FMN1: variants seen among roughly 807,000 people sequenced by gnomAD.
FMN1 encodes the protein formin 1.
In FMN1, 110 loss-of-function variants were observed where a neutral mutation model predicts 132.4. The observed-to-expected ratio is 0.83, with a 90% confidence interval of 0.71 to 0.97. FMN1 has a LOEUF of 0.97. Among genes scored for constraint, FMN1 ranks in the 50% least tolerant of loss-of-function variants. The pLI is 0.00. For synonymous variants in FMN1, 722 were observed against 651.7 expected, an observed-to-expected ratio of 1.11 and a Z score of -1.64; for missense variants, 1,792 against 1,705.3, an observed-to-expected ratio of 1.05 and a Z score of -0.90.
At chr15:32,903,254 T>A in intron 12 of FMN1, among the ~76,000 whole-genome samples, 1 of 152,250 alleles carries the variant, frequency 6.6e-6, no homozygotes, top group Non-Finnish European at 1.5e-5. Context: ...TAACCCATTA[T>A]TATGAAAATT....
chr15:33,001,141 G>C (rs1011816985), intron 7 of FMN1, among the ~76,000 whole-genome samples: 3 of 152,174 alleles, frequency 2.0e-5, no homozygotes, highest in African/African-American at 7.2e-5. Flanking sequence ...AAATTAGCTG[G>C]ATGTGGTAGC....
chr15:32,766,692 G>T lies in FMN1; in HGVS notation c.*7618C>A, dbSNP rs1230718935. 1 of 152,150 alleles carries T rather than the reference G, an allele frequency of 6.6e-6. No individual in the cohort carries two copies. Among genetic ancestry groups the T allele is most frequent in the Admixed American group, 6.6e-5 (1 of 15,266 alleles). 9.4% of individuals were successfully genotyped at this position (152,150 alleles called of 1,614,324 possible). A position where few individuals can be genotyped will look rare whatever the true frequency, so the allele number is the denominator to read the frequency against. On this transcript the variant is annotated 3_prime_UTR_variant, in exon 21 of 21. Transcript: ENST00000616417. ...CTCACATGGGCTCCTTGGTGACAGC[G>T]GAGCTCCCTGTCCAAACGGCTGAGG...
chr15:33,188,687 A>T (rs1377107068), intron 2 of FMN1, among the ~76,000 whole-genome samples: 1 of 152,150 alleles, frequency 6.6e-6, no homozygotes, highest in Non-Finnish European at 1.5e-5. Context: ...TTAACAAAAG[A>T]TGAAGAAAAA....
At chr15:32,872,389 C>T (rs1206180849) in intron 16 of FMN1, among the ~76,000 whole-genome samples, 4 of 152,190 alleles carry the variant, frequency 2.6e-5, no homozygotes, top group African/African-American at 9.7e-5. Context: ...TCAGCAAAGG[C>T]AGAGCAAAGT....
At chr15:33,126,450 G>A (rs956367220) in intron 4 of FMN1, among the ~76,000 whole-genome samples, 1 of 152,274 alleles carries the variant, frequency 6.6e-6, no homozygotes, top group Admixed American at 6.5e-5. Context: ...GCAGAGGGCA[G>A]AGTGGATCCC....
chr15:33,077,999 A>G (rs1385144352), intron 5 of FMN1, among the ~76,000 whole-genome samples: 2 of 152,146 alleles, frequency 1.3e-5, no homozygotes, highest in Admixed American at 1.3e-4. Context: ...CAGGTGCTGG[A>G]GAGGATGTGG....
intron 4 of FMN1, among the ~76,000 whole-genome samples, chr15:33,095,983 C>T (rs1007020488): frequency 6.2e-5 from 9 of 144,502 alleles, no homozygotes; most frequent in East Asian, 2.2e-4. Flanking sequence ...AAGGAATATA[C>T]GTAACAAGGT....
At chr15:32,888,831 A>G (rs1178161473) in intron 15 of FMN1, among the ~76,000 whole-genome samples, 1 of 148,182 alleles carries the variant, frequency 6.7e-6, no homozygotes, top group African/African-American at 2.5e-5. Context: ...TTCTTTGTAT[A>G]TGGGTGTATC....
intron 3 of FMN1, among the ~76,000 whole-genome samples, chr15:33,175,104 C>T (rs917544035): frequency 6.6e-6 from 1 of 152,042 alleles, no homozygotes; most frequent in African/African-American, 2.4e-5. Context: ...TGGCTCACTG[C>T]AGCCTTGACA....
intron 6 of FMN1, among the ~76,000 whole-genome samples, chr15:33,019,820 G>A (rs773138697): frequency 6.6e-6 from 1 of 152,168 alleles, no homozygotes; most frequent in Non-Finnish European, 1.5e-5. Context: ...TGGCCCGCAA[G>A]CACCGCGTGC....
At chr15:33,057,149 C>T (rs902411991) in intron 6 of FMN1, among the ~76,000 whole-genome samples, 5 of 152,162 alleles carry the variant, frequency 3.3e-5, no homozygotes, top group Admixed American at 6.5e-5. Flanking sequence ...TGTACTCCAG[C>T]CTGGGTGACA....
rs749970002 is a variant in FMN1, at chr15:33,008,050, C to G, written c.2187G>C (p.Leu729Phe). The G allele has an allele frequency of 2.5e-6, 4 of 1,600,312 alleles. No homozygotes were observed. The highest frequency in any genetic ancestry group is 2.6e-6 in the Non-Finnish European group (3 of 1,172,582). ...EAEYQAAILHLKREHKEEIEN... is the reference protein window; with the variant it reads ...EAEYQAAILHFKREHKEEIEN... ...CAATTTCTTCTTTGTGCTCCCTCTT[C>G]AAGTGTAAAATAGCAGCTTGGTATT... is the stretch of plus-strand genomic sequence containing the variant. The change falls in exon 7 of 21, where the codon TTG becomes TTC. Residue 729 changes from leucine (L) to phenylalanine (F), a missense_variant. Physicochemically the swap from Leu to Phe is conservative, Grantham distance 22. This residue lies in a region of FMN1 where 1,150 missense variants were observed against 1,043.1 expected (regional missense o/e 1.10). Transcript: ENST00000616417.
chr15:32,861,586 CA>C (rs2059269444), intron 16 of FMN1, among the ~76,000 whole-genome samples: 1 of 152,176 alleles, frequency 6.6e-6, no homozygotes, highest in Non-Finnish European at 1.5e-5. Flanking sequence ...CACTCACAAG[CA>C]GGCTCATAAA....
intron 5 of FMN1, among the ~76,000 whole-genome samples, chr15:33,071,135 G>A (rs937963923): frequency 2.0e-5 from 3 of 152,126 alleles, no homozygotes; most frequent in Non-Finnish European, 2.9e-5. Flanking sequence ...AAATGACACA[G>A]AAGACAAACA....
intron 17 of FMN1, among the ~76,000 whole-genome samples, chr15:32,838,124 G>A (rs770340076): frequency 6.6e-6 from 1 of 152,264 alleles, no homozygotes; most frequent in Middle Eastern, 3.4e-3. Context: ...GGCAAAGACA[G>A]TGATTCCTGA....
In FMN1 at chr15:32,879,729, G is replaced by A. The variant is rs112611034; in HGVS notation, c.3835+8443C>T. On this transcript the variant is annotated intron_variant, in intron 16 of 20. Transcript: ENST00000616417. ...TGTGGCAAAGTGCATGGTTTATCAT[G>A]TGATAAGAGGCAGAATTAACTTTAA... 5.3e-5 allele frequency among the ~76,000 whole-genome samples: 8 copies of A among 152,202 alleles called. 1 individual carries two copies. Among genetic ancestry groups the A allele is most frequent in the African/African-American group, 1.9e-4 (8 of 41,524 alleles).
chr15:33,117,380 T>C (rs980689463), intron 4 of FMN1, among the ~76,000 whole-genome samples: 6 of 152,220 alleles, frequency 3.9e-5, no homozygotes, highest in African/African-American at 9.6e-5. Context: ...TAGCTGCATT[T>C]TGATTACTGG....
intron 17 of FMN1, among the ~76,000 whole-genome samples, chr15:32,804,951 A>C (rs2057625595): frequency 6.6e-6 from 1 of 152,176 alleles, no homozygotes; most frequent in South Asian, 2.1e-4. Context: ...TGCTATTGTG[A>C]ATAGTGCCAC....
chr15:33,188,750 G>A (rs1220858615), intron 2 of FMN1, among the ~76,000 whole-genome samples: 3 of 151,302 alleles, frequency 2.0e-5, no homozygotes, highest in South Asian at 2.1e-4. Flanking sequence ...CTTCATTTTC[G>A]TAGGCTGCAG....
Sources: allele counts gnomAD v4.1 joint callset (sites outside exome capture counted in the v4.1 genomes callset), GRCh38; gene constraint gnomAD v4.1.1; regional missense constraint gnomAD v4.1.1; transcripts MANE v1.5; gene names NCBI Gene and HGNC (gene_info 2026-07-23, HGNC 2026-07-21).